Variants in CNTN4 observed in about 807,000 individuals in gnomAD.
CNTN4 encodes the protein contactin 4.
Under a neutral mutation model 122.5 loss-of-function variants are expected in CNTN4, and 77 were observed. The ratio of observed to expected loss-of-function variants is 0.63; its 90% confidence interval spans 0.52 to 0.76. The LOEUF (loss-of-function observed/expected upper bound fraction) is 0.76. Ranked by LOEUF, CNTN4 falls within the 30% of genes least tolerant of loss-of-function variation. The pLI is 0.00. For synonymous variants in CNTN4, 512 were observed against 447.0 expected, an observed-to-expected ratio of 1.15 and a Z score of -1.83; for missense variants, 1,256 against 1,259.1, an observed-to-expected ratio of 1.00 and a Z score of 0.04.
chr3:2,347,410 C>CTTTTTTTT (rs10664705), intron 3 of CNTN4, among the ~76,000 whole-genome samples: 10 of 113,130 alleles, frequency 8.8e-5, no homozygotes, highest in Admixed American at 2.2e-4. Context: ...GAAATACAAT[C>CTTTTTTTT]TTTTTTTTTT....
chr3:2,358,777 A>G (rs1196600096), intron 3 of CNTN4, among the ~76,000 whole-genome samples: 1 of 152,218 alleles, frequency 6.6e-6, no homozygotes, highest in Non-Finnish European at 1.5e-5. Context: ...ATGAACTACT[A>G]TGCTGGAGTT....
chr3:2,443,695 C>G (rs943920802), intron 3 of CNTN4, among the ~76,000 whole-genome samples: 2 of 152,152 alleles, frequency 1.3e-5, no homozygotes, highest in African/African-American at 2.4e-5. Context: ...GAACCTGCTT[C>G]TCTGATCTGG....
At chr3:2,514,853 G>A (rs2076995010) in intron 3 of CNTN4, among the ~76,000 whole-genome samples, 2 of 151,984 alleles carry the variant, frequency 1.3e-5, no homozygotes, top group African/African-American at 4.8e-5. Context: ...ATTTCACTAG[G>A]ATGCTTTCAT....
chr3:2,531,666 GACTCTCTTAAC>G (rs1559645615), intron 3 of CNTN4, among the ~76,000 whole-genome samples: 1 of 152,086 alleles, frequency 6.6e-6, no homozygotes, highest in African/African-American at 2.4e-5. Context: ...ACTCTTTCCT[GACTCTCTTAAC>G]GAGATTTCTG....
At chr3:2,531,805 C>G (rs757320785) in intron 3 of CNTN4, among the ~76,000 whole-genome samples, 1 of 152,122 alleles carries the variant, frequency 6.6e-6, no homozygotes, top group Admixed American at 6.6e-5. Flanking sequence ...TGCAATTTAA[C>G]AAATTCAAAC....
At chr3:2,600,005 C>CTTTTTTTTTTTTTTTTTTTTTTTTTTTTT (rs1220761684) in intron 4 of CNTN4, among the ~76,000 whole-genome samples, 8 of 28,270 alleles carry the variant, frequency 2.8e-4, no homozygotes, top group Non-Finnish European at 4.7e-4. Context: ...TTATGGAATT[C>CTTTTTTTTTTTTTTTTTTTTTTTTTTTTT]TTCTTTTTTT....
At chr3:2,866,663 A>G in intron 7 of CNTN4, 89 bp from the exon 8 acceptor site, 1 of 1,317,970 alleles carries the variant, frequency 7.6e-7, no homozygotes, top group Non-Finnish European at 1.1e-6. Flanking sequence ...AACAATGTAT[A>G]CATTTTTAAC....
intron 7 of CNTN4, among the ~76,000 whole-genome samples, chr3:2,844,885 T>G (rs1395226434): frequency 1.3e-5 from 2 of 152,224 alleles, no homozygotes; most frequent in Admixed American, 1.3e-4. Flanking sequence ...TAATGACTGT[T>G]GCCTGTGGCA....
chr3:3,043,631 C>T lies in CNTN4; in HGVS notation c.2738C>T (p.Ser913Leu), dbSNP rs1428371855. 9.3e-6 allele frequency: 15 copies of T among 1,614,028 alleles called. No individual in the cohort carries two copies. In the East Asian group the frequency reaches 3.3e-4, roughly 36 times the overall value. Residue 913 changes from serine (S) to leucine (L), a missense_variant, in exon 23 of 25, where the codon TCA becomes TTA. Physicochemically the swap from Ser to Leu is moderately radical, Grantham distance 145 (BLOSUM62 -2). Transcript: ENST00000418658. ...CCCGGAAACATCATATGGAATTCATCAGACTCCAAAATTATCCTGAATTGG... is the reference window on the plus strand; with the variant it reads ...CCCGGAAACATCATATGGAATTCATTAGACTCCAAAATTATCCTGAATTGG... The part of the protein sequence containing the change: ...QPPGNIIWNS[S>L]DSKIILNWDQ...
chr3:2,484,898 C>G (rs570486342), intron 3 of CNTN4, among the ~76,000 whole-genome samples: 8 of 152,144 alleles, frequency 5.3e-5, no homozygotes, highest in Admixed American at 2.6e-4. Context: ...CCTCTGCTTG[C>G]GGGAAGGTGT....
At chr3:2,568,509 T>A (rs2079281605) in intron 3 of CNTN4, among the ~76,000 whole-genome samples, 1 of 152,134 alleles carries the variant, frequency 6.6e-6, no homozygotes, top group African/African-American at 2.4e-5. Flanking sequence ...CACTGTTGGA[T>A]AAGCCAGAGA....
In CNTN4 at chr3:2,167,862, G is replaced by A. The variant is rs534716457; in HGVS notation, c.-145+67223G>A. On this transcript the variant is annotated intron_variant, in intron 2 of 24. Transcript: ENST00000418658. ...GGTTTGAATATTACAGTTCAGTTAA[G>A]ATTTATTTCAAGACCAGGCATGGTG... Among the ~76,000 whole-genome samples the A allele has an allele frequency of 2.2e-4, 34 of 152,260 alleles. No homozygotes were observed. The South Asian group carries it at 4.6e-3, about 20-fold the overall frequency.
chr3:2,860,025 C>T (rs999710026), intron 7 of CNTN4, among the ~76,000 whole-genome samples: 1 of 152,196 alleles, frequency 6.6e-6, no homozygotes. Context: ...ACCTCCACTG[C>T]CACATCTGAG....
At chr3:3,037,757 T>A (rs553566973) in intron 18 of CNTN4, 185 of 256,878 alleles carry the variant, frequency 7.2e-4, no homozygotes, top group South Asian at 1.2e-3. Context: ...AAATAAAAAA[T>A]AATTTCTTCA....
chr3:2,216,812 G>T lies in CNTN4; in HGVS notation c.-145+116173G>T, dbSNP rs540330868. Among the ~76,000 whole-genome samples the T allele has an allele frequency of 2.0e-5, 3 of 151,978 alleles. 1 individual carries two copies. The highest frequency in any genetic ancestry group is 7.3e-5 in the African/African-American group (3 of 41,378). ...ATACCCCTCCTCACTCCATAGTTAC[G>T]GCCTCTTGAAAAGTCTTGCGGTCTC... On this transcript the variant is annotated intron_variant, in intron 2 of 24. Coordinates refer to ENST00000418658, the MANE Select transcript of CNTN4 (RefSeq NM_175607.3).
intron 4 of CNTN4, among the ~76,000 whole-genome samples, chr3:2,685,089 A>G (rs913762370): frequency 6.6e-5 from 10 of 152,198 alleles, no homozygotes; most frequent in African/African-American, 2.4e-4. Context: ...CATTAAGATC[A>G]GTAATATTTA....
At chr3:2,440,381 C>G (rs1316096715) in intron 3 of CNTN4, among the ~76,000 whole-genome samples, 2 of 152,102 alleles carry the variant, frequency 1.3e-5, no homozygotes, top group East Asian at 3.9e-4. Flanking sequence ...CTTTAAATTC[C>G]AAATGTATGA....
At chr3:2,806,229 C>G (rs1440257179) in intron 6 of CNTN4, among the ~76,000 whole-genome samples, 1 of 152,180 alleles carries the variant, frequency 6.6e-6, no homozygotes, top group Non-Finnish European at 1.5e-5. Context: ...TACTCTACAG[C>G]ATTTACTCTA....
At chr3:2,698,530 A>G (rs1261034823) in intron 4 of CNTN4, among the ~76,000 whole-genome samples, 1 of 152,188 alleles carries the variant, frequency 6.6e-6, no homozygotes, top group Non-Finnish European at 1.5e-5. Context: ...CTCTGTGGTG[A>G]TTAATTTTTT....
Sources: gnomAD v4.1 joint callset for allele counts (sites outside exome capture counted in the v4.1 genomes callset) on GRCh38, gnomAD v4.1.1 for gene constraint, MANE v1.5 for transcripts, NCBI Gene and HGNC (gene_info 2026-07-23, HGNC 2026-07-21) for gene names.